Variants in TACC2 observed in about 807,000 individuals in gnomAD.
TACC2 encodes the protein transforming acidic coiled-coil-containing protein 2.
TACC2 carries 137 observed loss-of-function variants against 227.3 expected under a neutral mutation model. The observed-to-expected ratio is 0.60, with a 90% CI of 0.52 to 0.69. The LOEUF (loss-of-function observed/expected upper bound fraction) is 0.69. Ranked by LOEUF, TACC2 falls within the 30% of genes least tolerant of loss-of-function variation. The pLI is 0.00. For missense variants in TACC2, 3,470 were observed against 3,694.4 expected, an observed-to-expected ratio of 0.94 and a Z score of 1.57; for synonymous variants, 1,523 against 1,487.5, an observed-to-expected ratio of 1.02 and a Z score of -0.55.
intron 7 of TACC2, among the ~76,000 whole-genome samples, chr10:122,189,659 A>G: frequency 6.6e-6 from 1 of 152,250 alleles, no homozygotes; most frequent in East Asian, 1.9e-4. Flanking sequence ...ATTGACCTGG[A>G]TTCGAATATG....
At chr10:122,092,190 A>G (rs1232275127) in intron 5 of TACC2, among the ~76,000 whole-genome samples, 1 of 152,184 alleles carries the variant, frequency 6.6e-6, no homozygotes, top group Non-Finnish European at 1.5e-5. Context: ...TTTCTTTTCC[A>G]GCGTTGAATT....
rs1209518027 is a variant in TACC2, at chr10:122,050,159, G to A, written c.34-279G>A. On this transcript the variant is annotated intron_variant, in intron 2 of 22. Transcript: ENST00000369005. This position sits in a 1 kb window ranked among gnomAD's most constrained non-coding sequence, Gnocchi z 4.6. ...CAAGTGACCCCAAAGTGTGGTAGGT[G>A]TCCCCAGTTTTGGTTTTTCTACTAA... Among the ~76,000 whole-genome samples the A allele has an allele frequency of 6.6e-6, 1 of 152,158 alleles. No homozygotes were observed. Among genetic ancestry groups the A allele is most frequent in the East Asian group, 1.9e-4 (1 of 5,194 alleles).
In TACC2 at chr10:122,083,679, A is replaced by C; in HGVS notation, c.1179A>C (p.Ala393=). ...TKPNQVVCVA[A]GGQPEGGLPV... The stretch of plus-strand genomic sequence containing the variant: ...CCAATCAAGTTGTCTGTGTGGCAGC[A>C]GGCGGCCAGCCCGAAGGGGGTTTGC... Residue 393 remains alanine, a synonymous_variant, in exon 4 of 23, where the codon GCA becomes GCC. Transcript: ENST00000369005. 1 of 1,612,412 alleles carries C rather than the reference A, an allele frequency of 6.2e-7. No homozygotes were observed. The highest frequency in any genetic ancestry group is 8.5e-7 in the Non-Finnish European group (1 of 1,180,044).
chr10:122,050,002 G>A lies in TACC2; in HGVS notation c.34-436G>A, dbSNP rs1178338968. On this transcript the variant is annotated intron_variant, in intron 2 of 22. Coordinates refer to ENST00000369005, the MANE Select transcript of TACC2 (RefSeq NM_206862.4). This position sits in a 1 kb window ranked among gnomAD's most constrained non-coding sequence, Gnocchi z 4.6. ...TCTTCCGGTTAGTTTTTTTCCCTAG[G>A]TTTCCAGCTGAATTCTGGTATGTGA... Among the ~76,000 whole-genome samples the A allele has an allele frequency of 1.3e-5, 2 of 152,158 alleles. No individual in the cohort carries two copies. Among genetic ancestry groups the A allele is most frequent in the African/African-American group, 4.8e-5 (2 of 41,524 alleles).
Position 122,211,673 on chromosome 10 carries a change from C to T in TACC2, c.7248C>T (p.Asn2416=). The T allele has an allele frequency of 1.9e-6, 3 of 1,569,494 alleles. No homozygotes were observed. The highest frequency in any genetic ancestry group is 2.6e-6 in the Non-Finnish European group (3 of 1,164,540). Residue 2416 remains asparagine (N), a synonymous_variant, in exon 9 of 23, where the codon AAC becomes AAT. Transcript: ENST00000369005. ...EANGVDGDGL[N]KPAKKKKTPL... ...ATGGAGTGGACGGGGATGGGCTAAA[C>T]AAGCCCGCCAAGAAGAAGAAGACGC...
intron 3 of TACC2, among the ~76,000 whole-genome samples, chr10:122,074,504 A>C (rs542694328): frequency 5.3e-5 from 8 of 152,266 alleles, no homozygotes; most frequent in African/African-American, 1.9e-4. Flanking sequence ...GTTAGCCATT[A>C]ATAATTGATG....
At chr10:122,187,629 T>A (rs1565546997) in intron 7 of TACC2, among the ~76,000 whole-genome samples, 2 of 152,084 alleles carry the variant, frequency 1.3e-5, no homozygotes, top group African/African-American at 2.4e-5. Context: ...TAGCTGGAAT[T>A]ACAGGCGCCT....
intron 1 of TACC2, among the ~76,000 whole-genome samples, chr10:122,015,962 A>AC (rs1175028222): frequency 6.6e-6 from 1 of 151,174 alleles, no homozygotes; most frequent in African/African-American, 2.4e-5. Context: ...TTAAAAAAAA[A>AC]AAAATTAGAA....
intron 7 of TACC2, among the ~76,000 whole-genome samples, chr10:122,174,800 T>C (rs1340076313): frequency 6.6e-6 from 1 of 152,174 alleles, no homozygotes; most frequent in Non-Finnish European, 1.5e-5. Flanking sequence ...AACTAACCAG[T>C]AGTTGAACTA....
intron 7 of TACC2, among the ~76,000 whole-genome samples, chr10:122,182,352 T>C (rs2093998950): frequency 6.6e-6 from 1 of 152,198 alleles, no homozygotes; most frequent in African/African-American, 2.4e-5. Flanking sequence ...CAGGAGCATG[T>C]TATCCATGGC....
chr10:122,013,224 C>T (rs1956165365), intron 1 of TACC2, among the ~76,000 whole-genome samples: 1 of 152,080 alleles, frequency 6.6e-6, no homozygotes, highest in African/African-American at 2.4e-5. Flanking sequence ...TCTAGGTGGC[C>T]TCCAAGGTGG....
intron 5 of TACC2, among the ~76,000 whole-genome samples, chr10:122,112,327 G>A (rs1211113713): frequency 6.6e-6 from 1 of 152,208 alleles, no homozygotes; most frequent in African/African-American, 2.4e-5. Context: ...GGCCCTTAAA[G>A]GAAAACAGAC....
intron 12 of TACC2, among the ~76,000 whole-genome samples, chr10:122,225,800 A>G (rs1483978295): frequency 6.6e-6 from 1 of 152,106 alleles, no homozygotes; most frequent in Middle Eastern, 3.2e-3. Context: ...CAGAGATTTC[A>G]TGGCAGTGCA....
chr10:122,092,778 A>G (rs2080964438), intron 5 of TACC2, among the ~76,000 whole-genome samples: 1 of 152,190 alleles, frequency 6.6e-6, no homozygotes. Context: ...GGAACTCACA[A>G]TGCATAGAAA....
chr10:122,049,033 A>G (rs1178714610), intron 2 of TACC2, among the ~76,000 whole-genome samples: 1 of 152,208 alleles, frequency 6.6e-6, no homozygotes, highest in African/African-American at 2.4e-5. Context: ...ATTATGTAGC[A>G]CTTGTCAAAG....
At chr10:122,009,653 C>A (rs997937495) in intron 1 of TACC2, among the ~76,000 whole-genome samples, 1 of 152,150 alleles carries the variant, frequency 6.6e-6, no homozygotes, top group Non-Finnish European at 1.5e-5. Context: ...ATTGGCCAGG[C>A]ACGGTGGCTC....
intron 3 of TACC2, among the ~76,000 whole-genome samples, chr10:122,061,236 G>A (rs2076780905): frequency 6.8e-6 from 1 of 148,116 alleles, no homozygotes; most frequent in East Asian, 2.0e-4. Flanking sequence ...GCGTGAACCC[G>A]GGAGGCGGAG....
Position 122,205,677 on chromosome 10 carries a change from A to G in TACC2, c.5972-4720A>G, listed in dbSNP as rs1175138488. On this transcript the variant is annotated intron_variant, in intron 8 of 22. Transcript: ENST00000369005. This position sits in a 1 kb window ranked among gnomAD's most constrained non-coding sequence, Gnocchi z 4.5. The stretch of plus-strand genomic sequence containing the variant: ...GTTACGATGGGGGCCCTGAGCCCCC[A>G]CCCCAGCCCTGCAGAAGGAAGTGCT... Among the ~76,000 whole-genome samples the G allele has an allele frequency of 1.3e-5, 2 of 152,072 alleles. No individual in the cohort carries two copies. Among genetic ancestry groups the G allele is most frequent in the Non-Finnish European group, 2.9e-5 (2 of 68,006 alleles).
rs144481289 is a variant in TACC2 at position 122,085,125 on chromosome 10, C to G, written c.2625C>G (p.Ile875Met). 129 of 1,614,064 alleles carry G rather than the reference C, an allele frequency of 8.0e-5. No homozygotes were observed. Among genetic ancestry groups the G allele is most frequent in the Non-Finnish European group, 1.1e-4 (126 of 1,180,052 alleles). The change falls in exon 4 of 23, where the codon ATC becomes ATG. Residue 875 changes from isoleucine (I) to methionine (M), a missense_variant. By Grantham distance (10) the Ile-to-Met change is conservative. Coordinates refer to ENST00000369005, the MANE Select transcript of TACC2 (RefSeq NM_206862.4). ...FKDQGADSSQ[I>M]HVPVEPQEDN... ...ACCAGGGAGCAGATTCTTCCCAAAT[C>G]CATGTACCTGTGGAACCTCAGGAAG...
Sources: gnomAD v4.1 joint callset for allele counts (sites outside exome capture counted in the v4.1 genomes callset) on GRCh38, gnomAD v4.1.1 for gene constraint, Gnocchi (gnomAD v3.1) non-coding constraint, MANE v1.5 for transcripts, NCBI Gene and HGNC (gene_info 2026-07-23, HGNC 2026-07-21) for gene names.